The following TMEM108 variants were observed in gnomAD, a reference collection of about 807,000 sequenced individuals.
TMEM108 encodes transmembrane protein 108, also known as cancer/testis antigen 124.
In TMEM108, 12 loss-of-function variants were observed where a neutral mutation model predicts 35.1. That is an observed-to-expected ratio of 0.34 (90% confidence interval 0.22 to 0.55). TMEM108 has a LOEUF of 0.55. Among genes scored for constraint, TMEM108 ranks in the 20% least tolerant of loss-of-function variants. The pLI is 0.89. For missense variants in TMEM108, 680 were observed against 753.3 expected, an observed-to-expected ratio of 0.90 and a Z score of 1.14; for synonymous variants, 287 against 308.6, an observed-to-expected ratio of 0.93 and a Z score of 0.73.
At chr3:133,144,810 G>T (rs1446175827) in intron 2 of TMEM108, among the ~76,000 whole-genome samples, 1 of 152,144 alleles carries the variant, frequency 6.6e-6, no homozygotes, top group Non-Finnish European at 1.5e-5. Context: ...TTTTGATGGG[G>T]TTGTTTGTTT....
chr3:133,154,329 A>T (rs1187357114), intron 2 of TMEM108, among the ~76,000 whole-genome samples: 1 of 151,918 alleles, frequency 6.6e-6, no homozygotes, highest in African/African-American at 2.4e-5. Flanking sequence ...TTTTGTTGCC[A>T]TTGCTTTTGG....
At chr3:133,305,870 A>G (rs1024031290) in intron 3 of TMEM108, among the ~76,000 whole-genome samples, 2 of 152,090 alleles carry the variant, frequency 1.3e-5, no homozygotes, top group African/African-American at 4.8e-5. Flanking sequence ...TTTATTTGCC[A>G]TCCATACGTC....
intron 1 of TMEM108, among the ~76,000 whole-genome samples, chr3:133,039,212 A>G (rs1943244628): frequency 1.3e-5 from 2 of 152,248 alleles, no homozygotes; most frequent in African/African-American, 4.8e-5. Context: ...AAATGCCTGC[A>G]GTGAACTGCA....
intron 2 of TMEM108, among the ~76,000 whole-genome samples, chr3:133,228,134 A>G (rs1258868365): frequency 6.6e-6 from 1 of 152,140 alleles, no homozygotes; most frequent in Non-Finnish European, 1.5e-5. Flanking sequence ...ATATATTCCC[A>G]ATCACTGAAT....
intron 3 of TMEM108, among the ~76,000 whole-genome samples, chr3:133,355,321 T>C (rs1186033338): frequency 6.6e-6 from 1 of 152,188 alleles, no homozygotes; most frequent in Non-Finnish European, 1.5e-5. Flanking sequence ...CTGTTTATCT[T>C]AATATCTCTG....
intron 2 of TMEM108, among the ~76,000 whole-genome samples, chr3:133,118,096 G>A (rs1944309395): frequency 6.6e-6 from 1 of 151,090 alleles, no homozygotes; most frequent in Admixed American, 6.6e-5. Context: ...TCTAGGAGTT[G>A]GTAGAGTACT....
chr3:133,252,131 A>G (rs1324495141), intron 3 of TMEM108, among the ~76,000 whole-genome samples: 1 of 152,124 alleles, frequency 6.6e-6, no homozygotes, highest in East Asian at 1.9e-4. Flanking sequence ...CTTAATTTCA[A>G]GGTTTGATAG....
rs141745441 is a variant in TMEM108, at chr3:133,051,977, C to T, written c.-47+5957C>T. Among the ~76,000 whole-genome samples the T allele has an allele frequency of 5.3e-3, 811 of 152,182 alleles. 4 individuals are homozygous for T. Among genetic ancestry groups the T allele is most frequent in the African/African-American group, 0.018 (748 of 41,526 alleles). ...CTTTAATATTGTGTTGGCTATTCTGCGTGTTTTGCCTCTCCATATACACAT... is the reference window on the plus strand; with the variant it reads ...CTTTAATATTGTGTTGGCTATTCTGTGTGTTTTGCCTCTCCATATACACAT... On this transcript the variant is annotated intron_variant, in intron 2 of 5. Transcript: ENST00000321871.
intron 3 of TMEM108, among the ~76,000 whole-genome samples, chr3:133,360,619 T>C (rs1486258474): frequency 6.6e-6 from 1 of 152,210 alleles, no homozygotes; most frequent in Non-Finnish European, 1.5e-5. Flanking sequence ...CTTCACCTGA[T>C]TGAAGGTTCC....
intron 3 of TMEM108, among the ~76,000 whole-genome samples, chr3:133,351,799 C>G (rs1011737753): frequency 1.3e-5 from 2 of 152,172 alleles, no homozygotes; most frequent in Non-Finnish European, 2.9e-5. Flanking sequence ...CTGTCTCATT[C>G]CAAGGACATC....
At chr3:133,261,974 C>T (rs754298604) in intron 3 of TMEM108, among the ~76,000 whole-genome samples, 18 of 152,178 alleles carry the variant, frequency 1.2e-4, no homozygotes, top group Non-Finnish European at 2.6e-4. Flanking sequence ...TCATAAAGAG[C>T]CTTGAAGTTG....
At chr3:133,127,712 C>A (rs376748716) in intron 2 of TMEM108, among the ~76,000 whole-genome samples, 1 of 152,142 alleles carries the variant, frequency 6.6e-6, no homozygotes, top group East Asian at 1.9e-4. Flanking sequence ...TGGTTATAGG[C>A]CCCCTTTATC....
At chr3:133,330,272 G>C (rs941547986) in intron 3 of TMEM108, among the ~76,000 whole-genome samples, 1 of 152,200 alleles carries the variant, frequency 6.6e-6, no homozygotes, top group Admixed American at 6.5e-5. Context: ...GCTATGGAGA[G>C]CAGCTGCAGG....
At chr3:133,101,530 A>G (rs769758314) in intron 2 of TMEM108, among the ~76,000 whole-genome samples, 3 of 152,094 alleles carry the variant, frequency 2.0e-5, no homozygotes, top group African/African-American at 4.8e-5. Context: ...GACCTCCCCA[A>G]CCTTCATCTG....
At chr3:133,085,525 C>A (rs989305918) in intron 2 of TMEM108, among the ~76,000 whole-genome samples, 9 of 152,098 alleles carry the variant, frequency 5.9e-5, no homozygotes, top group Non-Finnish European at 1.3e-4. Flanking sequence ...TTTTTTAATG[C>A]ACGTTACTGT....
intron 3 of TMEM108, among the ~76,000 whole-genome samples, chr3:133,291,073 A>G (rs973305769): frequency 3.3e-5 from 5 of 152,358 alleles, no homozygotes; most frequent in Non-Finnish European, 7.3e-5. Flanking sequence ...GCAAAGGGCC[A>G]TAAGGAGAAT....
chr3:133,208,684 C>G (rs1945793223), intron 2 of TMEM108, among the ~76,000 whole-genome samples: 1 of 152,152 alleles, frequency 6.6e-6, no homozygotes, highest in African/African-American at 2.4e-5. Context: ...CTTTCAGAAG[C>G]TGGAGAGCCA....
At chr3:133,178,312 A>G (rs1553744208) in intron 2 of TMEM108, among the ~76,000 whole-genome samples, 2 of 152,140 alleles carry the variant, frequency 1.3e-5, no homozygotes, top group African/African-American at 2.4e-5. Context: ...GGAAAAAACT[A>G]AAGTTCATAT....
At chr3:133,216,952 G>T (rs1945918113) in intron 2 of TMEM108, among the ~76,000 whole-genome samples, 1 of 152,078 alleles carries the variant, frequency 6.6e-6, no homozygotes. Flanking sequence ...ACCCAGTAGT[G>T]GGATTGATGG....
Sources: allele counts gnomAD v4.1 joint callset (sites outside exome capture counted in the v4.1 genomes callset), GRCh38; gene constraint gnomAD v4.1.1; transcripts MANE v1.5; gene names NCBI Gene and HGNC (gene_info 2026-07-23, HGNC 2026-07-21).